KIF9: variants seen among roughly 807,000 people sequenced by gnomAD.
The protein encoded by KIF9 is kinesin-like protein KIF9.
Under a neutral mutation model 94.8 loss-of-function variants are expected in KIF9, and 68 were observed. The ratio of observed to expected loss-of-function variants is 0.72; its 90% CI spans 0.59 to 0.88. KIF9 has a LOEUF of 0.88. KIF9 is among the 40% of genes least tolerant of loss of function. The pLI is 0.00. For missense variants in KIF9, 882 were observed against 982.5 expected (o/e 0.90, Z 1.37); for synonymous variants, 343 against 362.1 (o/e 0.95, Z 0.60).
chr3:47,275,480 A>T lies in KIF9; in HGVS notation c.104T>A (p.Ile35Asn), dbSNP rs139376237. 9.3e-6 allele frequency: 15 copies of T among 1,604,704 alleles called. No individual in the cohort carries two copies. Among genetic ancestry groups the T allele is most frequent in the Non-Finnish European group, 1.3e-5 (15 of 1,176,856 alleles). ...RYGDDKRSIDIHLKKDIRRGV... is the reference protein window; with the variant it reads ...RYGDDKRSIDNHLKKDIRRGV... ...TCTCCGAATGTCTTTTTTTAAGTGA[A>T]TATCAATGCTCTAGGAAAAAAGAGT... The change falls in exon 3 of 21, where the codon ATT becomes AAT. Residue 35 changes from isoleucine (I) to asparagine (N), a missense_variant. Physicochemically the swap from Ile to Asn is moderately radical, Grantham distance 149 (BLOSUM62 -3). Transcript: ENST00000684063.
intron 2 of KIF9, 71 bp from the exon 3 acceptor site, chr3:47,275,561 G>T: frequency 8.6e-7 from 1 of 1,167,650 alleles, no homozygotes; most frequent in Non-Finnish European, 1.3e-6. Context: ...ATCACTGATA[G>T]CTGAGGCCTA....
chr3:47,271,355 T>C lies in KIF9; in HGVS notation c.473A>G (p.Tyr158Cys), dbSNP rs1265513474. ...CATTGGTGTGACTGAGGGTCCAACA[T>C]AGGGCAGAGTGGACAGGAGATCAAA... ...SLFDLLSTLP[Y>C]VGPSVTPMTI... is the part of the protein sequence containing the mutation. The change falls in exon 5 of 21, where the codon TAT becomes TGT. Residue 158 changes from tyrosine to cysteine, a missense_variant. Physicochemically the swap from Tyr to Cys is radical, Grantham distance 194. Transcript: ENST00000684063. 10 of 1,613,804 alleles carry C rather than the reference T, an allele frequency of 6.2e-6. No individual in the cohort carries two copies. The highest frequency in any genetic ancestry group is 1.6e-4 in the Middle Eastern group (1 of 6,084).
At chr3:47,276,696 C>A (rs548490137) in intron 2 of KIF9, among the ~76,000 whole-genome samples, 1 of 152,138 alleles carries the variant, frequency 6.6e-6, no homozygotes, top group Non-Finnish European at 1.5e-5. Context: ...CTTTTCTGAC[C>A]GCTAGGACCT....
chr3:47,228,438 TAAGACAGTGAATTAA>T lies in KIF9; in HGVS notation c.*199_*213del, dbSNP rs1311348760. On this transcript the variant is annotated 3_prime_UTR_variant, in exon 21 of 21. Transcript: ENST00000684063. ...AGTTATTTTATCCTGTCCCTGCATA[TAAGACAGTGAATTAA>T]AACCCAAAGTGCTCTGTGGAGATGA... 1 of 608,740 alleles carries T rather than the reference TAAGACAGTGAATTAA, an allele frequency of 1.6e-6. No individual in the cohort carries two copies. Among genetic ancestry groups the T allele is most frequent in the Non-Finnish European group, 3.0e-6 (1 of 336,576 alleles). The allele number at this position is 608,740 out of a possible 1,614,324, so 37.7% of individuals were successfully genotyped here. A position where few individuals can be genotyped will look rare whatever the true frequency, so the allele number is the denominator to read the frequency against.
At chr3:47,240,721 TA>T in intron 17 of KIF9, 79 bp downstream of exon 17, 1 of 1,215,126 alleles carries the variant, frequency 8.2e-7, no homozygotes, top group South Asian at 1.3e-5. Flanking sequence ...CTCAGACCTC[TA>T]GTGCCAAGGG....
chr3:47,254,060 T>C (rs904016623), intron 10 of KIF9, among the ~76,000 whole-genome samples: 1 of 152,214 alleles, frequency 6.6e-6, no homozygotes, highest in African/African-American at 2.4e-5. Flanking sequence ...GACAGCACTA[T>C]GCTAAGAGGT....
Position 47,282,787 on chromosome 3 carries a change from T to A in KIF9, c.-298A>T. 1 of 1,432,026 alleles carries A rather than the reference T, an allele frequency of 7.0e-7. No homozygotes were observed. The highest frequency in any genetic ancestry group is 1.5e-5 in the South Asian group (1 of 67,218). The allele number at this position is 1,432,026 out of a possible 1,614,324, so 88.7% of individuals were successfully genotyped here. On this transcript the variant is annotated 5_prime_UTR_variant, in exon 1 of 21. It removes an upstream start codon present in the reference 5' UTR. Coordinates refer to ENST00000684063, the MANE Select transcript of KIF9 (RefSeq NM_182902.4). Reference sequence around the variant, plus strand: ...ATAGCGAGGGAACGAAGGCCGCACATGAACCAGGAAGCGGAGTGGCGGGGC... The same window carrying A: ...ATAGCGAGGGAACGAAGGCCGCACAAGAACCAGGAAGCGGAGTGGCGGGGC...
chr3:47,247,268 C>G, intron 12 of KIF9, 105 bp downstream of exon 12: 1 of 742,002 alleles, frequency 1.3e-6, no homozygotes, highest in Admixed American at 1.9e-5. Flanking sequence ...ACCCACTGCA[C>G]CCATTCACAT....
chr3:47,241,521 C>T (rs1356741806), intron 16 of KIF9, among the ~76,000 whole-genome samples: 1 of 151,092 alleles, frequency 6.6e-6, no homozygotes, highest in Non-Finnish European at 1.5e-5. Flanking sequence ...CAGGTTTCTC[C>T]ATGTTGGTCA....
At chr3:47,267,407 AAACT>A in intron 5 of KIF9, 144 bp from the exon 6 acceptor site, 1 of 662,958 alleles carries the variant, frequency 1.5e-6, no homozygotes, top group South Asian at 1.8e-5. Flanking sequence ...CCTCTTTTAT[AAACT>A]AATAGAAAGG....
intron 20 of KIF9, among the ~76,000 whole-genome samples, chr3:47,228,967 G>A (rs934381120): frequency 6.6e-6 from 1 of 152,200 alleles, no homozygotes; most frequent in African/African-American, 2.4e-5. Context: ...GGTTTCAAGG[G>A]CATTCTTGGG....
intron 1 of KIF9, 143 bp from the exon 2 acceptor site, chr3:47,277,522 A>G: frequency 1.6e-6 from 1 of 612,876 alleles, no homozygotes; most frequent in East Asian, 2.8e-5. Context: ...TTTCCTTTTC[A>G]CCCCTCAGCA....
At chr3:47,258,290 G>A (rs1700748325) in intron 9 of KIF9, among the ~76,000 whole-genome samples, 1 of 152,148 alleles carries the variant, frequency 6.6e-6, no homozygotes, top group South Asian at 2.1e-4. Flanking sequence ...CTGTCATCCA[G>A]GTTGGAGTGC....
intron 20 of KIF9, among the ~76,000 whole-genome samples, chr3:47,229,183 C>T (rs1455069645): frequency 1.3e-5 from 2 of 152,190 alleles, no homozygotes; most frequent in Non-Finnish European, 2.9e-5. Context: ...TGTAAGCCAG[C>T]AAACGCTAAA....
At chr3:47,262,485 G>A (rs1701042123) in intron 9 of KIF9, among the ~76,000 whole-genome samples, 1 of 152,052 alleles carries the variant, frequency 6.6e-6, no homozygotes, top group South Asian at 2.1e-4. Context: ...GGCCAGGCTG[G>A]TCTCAAACTC....
chr3:47,279,857 T>C (rs998236955), intron 1 of KIF9, among the ~76,000 whole-genome samples: 2 of 152,164 alleles, frequency 1.3e-5, no homozygotes, highest in African/African-American at 4.8e-5. Flanking sequence ...GACCTCGTGA[T>C]CTGCCCACCT....
rs939350812 is a variant in KIF9, at chr3:47,282,461, TCCCCACTCCCACCGGCGAGCAGC to T, written c.-6+11_-6+33del. The T allele has an allele frequency of 1.1e-5, 11 of 987,940 alleles. 1 individual carries two copies. The highest frequency in any genetic ancestry group is 9.0e-5 in the South Asian group (2 of 22,320). The allele number at this position is 987,940 out of a possible 1,614,324, so 61.2% of individuals were successfully genotyped here. On this transcript the variant is annotated intron_variant, in intron 1 of 20. Coordinates refer to ENST00000684063, the MANE Select transcript of KIF9 (RefSeq NM_182902.4). ...TCCGGGCGCACACCCTTTTCCCGTC[TCCCCACTCCCACCGGCGAGCAGC>T]CCCTGCTCACCGTTCACCAGGCAGC...
At position 47,275,460 on chromosome 3, in the gene KIF9, G is replaced by A. The variant is rs1270987562; in HGVS notation, c.124C>T (p.Arg42Trp). 3 of 1,609,562 alleles carry A rather than the reference G, an allele frequency of 1.9e-6. No individual in the cohort carries two copies. The highest frequency in any genetic ancestry group is 2.5e-6 in the Non-Finnish European group (3 of 1,178,616). The change falls in exon 3 of 21, where the codon CGG (arginine) becomes TGG (tryptophan). Residue 42 changes from arginine (R) to tryptophan (W), a missense_variant. By Grantham distance (101) the Arg-to-Trp change is moderately radical. Transcript: ENST00000684063. ...TGTTGGTTATTGACAACTCCTCTCC[G>A]AATGTCTTTTTTTAAGTGAATATCA... ...SIDIHLKKDI[R>W]RGVVNNQQTD...
intron 10 of KIF9, among the ~76,000 whole-genome samples, chr3:47,256,486 C>G (rs1054028908): frequency 1.2e-4 from 18 of 151,588 alleles, no homozygotes; most frequent in African/African-American, 3.9e-4. Context: ...GGTCAGCCCC[C>G]GCCAGGCCAG....
Sources: gnomAD v4.1 joint callset for allele counts (sites outside exome capture counted in the v4.1 genomes callset) on GRCh38, gnomAD v4.1.1 for gene constraint, MANE v1.5 for transcripts, NCBI Gene and HGNC (gene_info 2026-07-23, HGNC 2026-07-21) for gene names.